CSMD3: variants seen among roughly 807,000 people sequenced by gnomAD.
CSMD3 encodes CUB and sushi domain-containing protein 3.
CSMD3 carries 177 observed loss-of-function variants against 435.2 expected under a neutral mutation model. That is an observed-to-expected ratio of 0.41 (90% CI 0.36 to 0.46). The LOEUF (loss-of-function observed/expected upper bound fraction) is 0.46, where lower values mean the gene tolerates loss of function less well. Ranked by LOEUF, CSMD3 falls within the 20% of genes least tolerant of loss-of-function variation. The pLI is 0.34. For missense variants in CSMD3, 4,265 were observed against 4,504.6 expected, an observed-to-expected ratio of 0.95 and a Z score of 1.52; for synonymous variants, 1,656 against 1,520.5, an observed-to-expected ratio of 1.09 and a Z score of -2.07.
intron 31 of CSMD3, among the ~76,000 whole-genome samples, chr8:112,473,405 C>T (rs534602304): frequency 2.6e-5 from 4 of 152,086 alleles, no homozygotes; most frequent in African/African-American, 9.6e-5. Context: ...AGATTTAGTA[C>T]CGAAAGCATA....
In CSMD3 at chr8:112,690,877, T is replaced by TA. The variant is rs945263348; in HGVS notation, c.1973-828dup. ...ACAGTTGTCTTCAAACAAACAATAG[T>TA]AAAAAAAAATACAAATTAAAAAAAT... On this transcript the variant is annotated intron_variant, in intron 13 of 70. Coordinates refer to ENST00000297405, the MANE Select transcript of CSMD3 (RefSeq NM_198123.2). 2.4e-3 allele frequency among the ~76,000 whole-genome samples: 365 copies of TA among 150,658 alleles called. 2 individuals carry two copies. Among genetic ancestry groups the TA allele is most frequent in the African/African-American group, 7.9e-3 (324 of 41,134 alleles).
At chr8:113,227,426 A>T (rs193075764) in intron 3 of CSMD3, among the ~76,000 whole-genome samples, 17 of 151,734 alleles carry the variant, frequency 1.1e-4, no homozygotes, top group Admixed American at 7.9e-4. Flanking sequence ...CTCTTAGGAA[A>T]CAAATTTACT....
At chr8:112,769,239 T>G (rs1337586724) in intron 13 of CSMD3, among the ~76,000 whole-genome samples, 2 of 151,920 alleles carry the variant, frequency 1.3e-5, no homozygotes, top group Non-Finnish European at 2.9e-5. Context: ...CTGGAAAATA[T>G]AAAACACATA....
intron 5 of CSMD3, among the ~76,000 whole-genome samples, chr8:113,075,173 G>A (rs2131422829): frequency 6.6e-6 from 1 of 151,674 alleles, no homozygotes; most frequent in South Asian, 2.1e-4. Context: ...TGAAGATATT[G>A]CTAATAAAAA....
At chr8:113,168,988 G>A (rs1330158277) in intron 4 of CSMD3, among the ~76,000 whole-genome samples, 1 of 151,994 alleles carries the variant, frequency 6.6e-6, no homozygotes, top group East Asian at 1.9e-4. Flanking sequence ...CTTCTTTGGA[G>A]GAATTTTGGT....
chr8:112,450,386 G>T (rs1189497546), intron 32 of CSMD3, among the ~76,000 whole-genome samples: 2 of 152,196 alleles, frequency 1.3e-5, no homozygotes, highest in East Asian at 1.9e-4. Context: ...GAAAATAGGG[G>T]TTTTAAAAAT....
At chr8:112,669,665 G>A (rs1442284258) in intron 16 of CSMD3, among the ~76,000 whole-genome samples, 1 of 152,210 alleles carries the variant, frequency 6.6e-6, no homozygotes, top group Non-Finnish European at 1.5e-5. Flanking sequence ...CATTTTCAAA[G>A]TCCCATTCAT....
chr8:113,248,467 T>TA (rs1563602328), intron 3 of CSMD3, among the ~76,000 whole-genome samples: 1 of 131,310 alleles, frequency 7.6e-6, no homozygotes, highest in Non-Finnish European at 1.6e-5. Flanking sequence ...TGTGTGTGTG[T>TA]GATATATATG....
chr8:113,294,969 C>T (rs1480809028), intron 2 of CSMD3, among the ~76,000 whole-genome samples: 1 of 152,056 alleles, frequency 6.6e-6, no homozygotes, highest in Non-Finnish European at 1.5e-5. Context: ...ATTTAATCCA[C>T]AAAACACTGT....
chr8:112,740,560 G>A (rs1396312670), intron 13 of CSMD3, among the ~76,000 whole-genome samples: 1 of 151,832 alleles, frequency 6.6e-6, no homozygotes, highest in Non-Finnish European at 1.5e-5. Flanking sequence ...TGACTTTATT[G>A]AAGGTATGCA....
chr8:113,084,751 G>A (rs2131471379), intron 5 of CSMD3, among the ~76,000 whole-genome samples: 1 of 151,934 alleles, frequency 6.6e-6, no homozygotes, highest in South Asian at 2.1e-4. Flanking sequence ...CATGGCATTG[G>A]TATGAAAGCA....
intron 70 of CSMD3, among the ~76,000 whole-genome samples, chr8:112,227,911 G>T (rs1209008007): frequency 6.6e-6 from 1 of 151,934 alleles, no homozygotes; most frequent in Non-Finnish European, 1.5e-5. Context: ...GCATGATGGC[G>T]GGTACCTGTA....
chr8:113,355,429 C>T (rs1479800672), intron 1 of CSMD3, among the ~76,000 whole-genome samples: 2 of 151,884 alleles, frequency 1.3e-5, no homozygotes, highest in East Asian at 3.9e-4. Context: ...TATCAAGATG[C>T]CAGAAAATTC....
chr8:113,322,136 C>A (rs916084310), intron 1 of CSMD3, among the ~76,000 whole-genome samples: 2 of 151,988 alleles, frequency 1.3e-5, no homozygotes, highest in African/African-American at 2.4e-5. Flanking sequence ...CTTTATGATG[C>A]CTTCATTAGT....
rs56751881 is a variant in CSMD3 at position 113,212,907 on chromosome 8, TAA to T, written c.515-38993_515-38992del. 4.1e-3 allele frequency among the ~76,000 whole-genome samples: 577 copies of T among 140,082 alleles called. 2 individuals carry two copies. The highest frequency in any genetic ancestry group is 0.014 in the African/African-American group (539 of 38,670). 91.9% of individuals were successfully genotyped at this position (140,082 alleles called of 152,430 possible). ...TATAATAAAAAATATATATATATATTAAAAAAAAAAAAAGAAAATCAAGTTAG... is the reference window on the plus strand; with the variant it reads ...TATAATAAAAAATATATATATATATTAAAAAAAAAAAGAAAATCAAGTTAG... On this transcript the variant is annotated intron_variant, in intron 3 of 70. Coordinates refer to ENST00000297405, the MANE Select transcript of CSMD3 (RefSeq NM_198123.2).
chr8:113,253,808 C>T (rs1457828635), intron 3 of CSMD3, among the ~76,000 whole-genome samples: 2 of 149,146 alleles, frequency 1.3e-5, no homozygotes, highest in Non-Finnish European at 3.0e-5. Flanking sequence ...CACTGCACTG[C>T]AGTCTGGTGA....
At chr8:113,045,400 T>G (rs1380082774) in intron 5 of CSMD3, among the ~76,000 whole-genome samples, 1 of 149,254 alleles carries the variant, frequency 6.7e-6, no homozygotes, top group East Asian at 1.9e-4. Context: ...AACACAAACT[T>G]TGGGGTTATT....
intron 13 of CSMD3, among the ~76,000 whole-genome samples, chr8:112,705,150 G>A (rs2076471557): frequency 6.6e-6 from 1 of 152,072 alleles, no homozygotes; most frequent in Admixed American, 6.6e-5. Context: ...TTTATTTTGA[G>A]ATGAAGGCAC....
chr8:113,393,110 T>C (rs767452485), intron 1 of CSMD3, among the ~76,000 whole-genome samples: 1 of 152,044 alleles, frequency 6.6e-6, no homozygotes, highest in Non-Finnish European at 1.5e-5. Flanking sequence ...CACATAAGCA[T>C]GCTTCAAAAC....
Sources: allele counts gnomAD v4.1 joint callset (sites outside exome capture counted in the v4.1 genomes callset), GRCh38; gene constraint gnomAD v4.1.1; transcripts MANE v1.5; gene names NCBI Gene and HGNC (gene_info 2026-07-23, HGNC 2026-07-21).